Variants in EPM2A observed in about 807,000 individuals in gnomAD.
EPM2A encodes EPM2A glucan phosphatase, laforin, also known as laforin.
EPM2A carries 21 observed loss-of-function variants against 26.5 expected under a neutral mutation model. The ratio of observed to expected loss-of-function variants is 0.79; its 90% CI spans 0.56 to 1.14. The LOEUF (loss-of-function observed/expected upper bound fraction) is 1.14, where lower values mean the gene tolerates loss of function less well. Ranked by LOEUF, EPM2A falls within the 50% of genes most tolerant of loss-of-function variation. The probability of loss-of-function intolerance (pLI) is 0.00; values close to 1 mark genes in which losing one functional copy is unlikely to be tolerated. For missense variants in EPM2A, 458 were observed against 440.8 expected, an observed-to-expected ratio of 1.04 and a Z score of -0.35; for synonymous variants, 217 against 177.6, an observed-to-expected ratio of 1.22 and a Z score of -1.76.
At chr6:145,700,028 C>T (rs1340434205) in intron 1 of EPM2A, among the ~76,000 whole-genome samples, 2 of 152,042 alleles carry the variant, frequency 1.3e-5, no homozygotes, top group Non-Finnish European at 2.9e-5. Context: ...TCACTCAAAC[C>T]ATCAAGATTG....
At chr6:145,704,027 A>AT (rs1782080082) in intron 1 of EPM2A, among the ~76,000 whole-genome samples, 1 of 152,240 alleles carries the variant, frequency 6.6e-6, no homozygotes. Context: ...CAATAGCAAG[A>AT]TTTTTGTAGG....
chr6:145,627,761 T>A, intron 3 of EPM2A, 68 bp from the exon 4 acceptor site: 1 of 1,580,952 alleles, frequency 6.3e-7, no homozygotes, highest in Non-Finnish European at 8.6e-7. Flanking sequence ...TGAGGTCTCC[T>A]CCAGCACAGC....
intron 4 of EPM2A, among the ~76,000 whole-genome samples, chr6:145,493,742 A>T (rs546715778): frequency 6.6e-6 from 1 of 152,202 alleles, no homozygotes; most frequent in Non-Finnish European, 1.5e-5. Context: ...ATCTATTGAG[A>T]TAATCACGTG....
chr6:145,453,442 T>C (rs1043661638), intron 4 of EPM2A, among the ~76,000 whole-genome samples: 6 of 152,128 alleles, frequency 3.9e-5, no homozygotes, highest in African/African-American at 1.4e-4. Flanking sequence ...GTTGTTGTTG[T>C]GTTTTTTTCT....
chr6:145,646,518 G>A (rs1777477056), intron 2 of EPM2A, among the ~76,000 whole-genome samples: 1 of 151,822 alleles, frequency 6.6e-6, no homozygotes, highest in Non-Finnish European at 1.5e-5. Context: ...TCCATCACTA[G>A]GTGATTGCAT....
At chr6:145,450,091 C>T (rs1779175700) in intron 4 of EPM2A, among the ~76,000 whole-genome samples, 1 of 151,924 alleles carries the variant, frequency 6.6e-6, no homozygotes, top group South Asian at 2.1e-4. Context: ...TGGTGGCTCA[C>T]ACCTGTAATC....
intron 3 of EPM2A, 184 bp from the exon 4 acceptor site, chr6:145,627,877 A>G: frequency 1.3e-6 from 1 of 793,340 alleles, no homozygotes; most frequent in Non-Finnish European, 2.0e-6. Context: ...CTAATAGCAA[A>G]GTGGAAAGAG....
intron 2 of EPM2A, chr6:145,639,811 A>G (rs553404963): frequency 1.3e-5 from 2 of 152,306 alleles, no homozygotes; most frequent in Admixed American, 1.3e-4. Context: ...CTGAGCCACG[A>G]CAAATATTTA....
intron 1 of EPM2A, among the ~76,000 whole-genome samples, chr6:145,725,925 A>AATGTATATT (rs1346986229): frequency 4.6e-5 from 7 of 152,078 alleles, no homozygotes. Flanking sequence ...AATTAATATA[A>AATGTATATT]ATGTATATTT....
At chr6:145,735,110 GC>G in intron 1 of EPM2A, 87 bp downstream of exon 1, 1 of 986,918 alleles carries the variant, frequency 1.0e-6, no homozygotes, top group Non-Finnish European at 1.4e-6. Context: ...GCCGGGGCCT[GC>G]GGGGCCTGCC....
chr6:145,709,169 T>G lies in EPM2A; in HGVS notation c.302-22873A>C, dbSNP rs573635707. Among the ~76,000 whole-genome samples the G allele has an allele frequency of 3.9e-5, 6 of 152,312 alleles. No homozygotes were observed. In the South Asian group the frequency reaches 1.2e-3, roughly 32 times the overall value. ...CCTTGTCTCAGATGAGACTTTGGAC[T>G]GTGGACTTTTGAGTTAATATTAAAA... is the stretch of plus-strand genomic sequence containing the variant. On this transcript the variant is annotated intron_variant, in intron 1 of 3. Transcript: ENST00000367519.
At chr6:145,532,322 T>G (rs1183712364) in intron 2 of EPM2A, among the ~76,000 whole-genome samples, 4 of 152,166 alleles carry the variant, frequency 2.6e-5, no homozygotes, top group African/African-American at 9.7e-5. Flanking sequence ...GCTGGAAGGT[T>G]TTTGCAAAAG....
At chr6:145,412,504 C>T (rs1778657625) in intron 4 of EPM2A, among the ~76,000 whole-genome samples, 1 of 152,094 alleles carries the variant, frequency 6.6e-6, no homozygotes, top group Non-Finnish European at 1.5e-5. Context: ...CTGGTCATAT[C>T]AACTGATTTT....
At chr6:145,479,082 A>AT (rs1345166904) in intron 4 of EPM2A, among the ~76,000 whole-genome samples, 1 of 151,296 alleles carries the variant, frequency 6.6e-6, no homozygotes, top group Non-Finnish European at 1.5e-5. Flanking sequence ...GTCTTTACTG[A>AT]TTTTTGACCA....
chr6:145,488,058 C>A (rs992146012), intron 4 of EPM2A, among the ~76,000 whole-genome samples: 1 of 142,650 alleles, frequency 7.0e-6, no homozygotes. Flanking sequence ...ATTGCAGCAC[C>A]ATTTATTGAA....
chr6:145,503,355 G>C (rs1779922622), intron 2 of EPM2A, among the ~76,000 whole-genome samples: 1 of 143,498 alleles, frequency 7.0e-6, no homozygotes, highest in Admixed American at 7.0e-5. Context: ...CATCGTCTCA[G>C]CCCAAAATCT....
intron 3 of EPM2A, chr6:145,635,035 A>G (rs1003434015): frequency 8.2e-5 from 44 of 538,554 alleles, no homozygotes; most frequent in Non-Finnish European, 1.4e-4. Context: ...TACACAATAA[A>G]TATGTGTTGA....
At position 145,570,014 on chromosome 6, in the gene EPM2A, G is replaced by A. The variant is rs114833130; in HGVS notation, c.340+65231C>T. 5.2e-3 allele frequency among the ~76,000 whole-genome samples: 785 copies of A among 152,226 alleles called. 4 individuals carry two copies. Among genetic ancestry groups the A allele is most frequent in the African/African-American group, 0.018 (750 of 41,526 alleles). ...TCGAGGGCAGGAAGCATCCAACACC[G>A]GAGAAAGATGTAGGCTGGGATGCTA... On this transcript the variant is annotated intron_variant, in intron 2 of 3. Transcript: ENST00000450221.
intron 4 of EPM2A, among the ~76,000 whole-genome samples, chr6:145,485,644 C>G (rs995404125): frequency 6.6e-6 from 1 of 151,882 alleles, no homozygotes; most frequent in Non-Finnish European, 1.5e-5. Context: ...CCTGGGTTAA[C>G]CTTAAAGCAA....
Sources: gnomAD v4.1 joint callset for allele counts (sites outside exome capture counted in the v4.1 genomes callset) on GRCh38, gnomAD v4.1.1 for gene constraint, MANE v1.5 for transcripts, NCBI Gene and HGNC (gene_info 2026-07-23, HGNC 2026-07-21) for gene names.